Variants in DNM3 observed in about 807,000 individuals in gnomAD.
The protein encoded by DNM3 is dynamin 3, also known as dynamin-3.
A neutral mutation model predicts 101.6 loss-of-function variants in DNM3; 47 were observed. The observed-to-expected ratio is 0.46, with a 90% CI of 0.37 to 0.59. DNM3 has a LOEUF of 0.59. Ranked by LOEUF, DNM3 falls within the 20% of genes least tolerant of loss-of-function variation. DNM3 has a pLI of 0.00. For synonymous variants in DNM3, 385 were observed against 387.9 expected, an observed-to-expected ratio of 0.99 and a Z score of 0.09; for missense variants, 849 against 1,085.7, an observed-to-expected ratio of 0.78 and a Z score of 3.06.
At chr1:172,019,675 T>G (rs2047697806) in intron 4 of DNM3, among the ~76,000 whole-genome samples, 2 of 152,218 alleles carry the variant, frequency 1.3e-5, no homozygotes, top group Middle Eastern at 3.4e-3. Flanking sequence ...TATTTTTTTT[T>G]TCTTTTCGAT....
intron 10 of DNM3, among the ~76,000 whole-genome samples, chr1:172,063,654 C>G (rs2125920563): frequency 6.6e-6 from 1 of 151,510 alleles, no homozygotes; most frequent in Non-Finnish European, 1.5e-5. Flanking sequence ...TGGTGGGCGC[C>G]TATAGTTCCA....
intron 14 of DNM3, among the ~76,000 whole-genome samples, chr1:172,165,439 A>T (rs1366679124): frequency 6.6e-6 from 1 of 152,096 alleles, no homozygotes; most frequent in African/African-American, 2.4e-5. Context: ...AAAAACTCTT[A>T]GTGACTTCTT....
intron 14 of DNM3, among the ~76,000 whole-genome samples, chr1:172,192,997 T>G (rs1389514410): frequency 2.0e-5 from 3 of 151,322 alleles, no homozygotes; most frequent in Non-Finnish European, 4.4e-5. Flanking sequence ...CCACCAACAG[T>G]GTAAAAGTGT....
chr1:172,365,221 C>A (rs748836767), intron 17 of DNM3, among the ~76,000 whole-genome samples: 11 of 151,690 alleles, frequency 7.3e-5, no homozygotes, highest in Non-Finnish European at 1.5e-4. Context: ...TCTAAGGGTT[C>A]TTATCTTTTA....
chr1:171,842,464 C>A (rs1229028946), intron 1 of DNM3, among the ~76,000 whole-genome samples: 1 of 152,158 alleles, frequency 6.6e-6, no homozygotes, highest in African/African-American at 2.4e-5. Context: ...CCCGGAGAGT[C>A]GAAGAATAAA....
intron 4 of DNM3, among the ~76,000 whole-genome samples, chr1:172,016,516 T>C (rs765860849): frequency 1.3e-5 from 2 of 152,232 alleles, no homozygotes; most frequent in Admixed American, 6.5e-5. Context: ...TAACATTTTG[T>C]TGAGGATTGT....
intron 14 of DNM3, among the ~76,000 whole-genome samples, chr1:172,196,483 A>G (rs545633365): frequency 6.6e-6 from 1 of 152,202 alleles, no homozygotes; most frequent in South Asian, 2.1e-4. Context: ...GAATCACCAT[A>G]CTGCTTTCCA....
chr1:172,044,829 T>C (rs1260762582), intron 9 of DNM3, among the ~76,000 whole-genome samples: 2 of 152,112 alleles, frequency 1.3e-5, no homozygotes, highest in African/African-American at 4.8e-5. Context: ...TGGAGCAAGA[T>C]TGGGAAAGAT....
chr1:172,234,667 T>C (rs2061468647), intron 14 of DNM3, among the ~76,000 whole-genome samples: 1 of 152,124 alleles, frequency 6.6e-6, no homozygotes, highest in South Asian at 2.1e-4. Context: ...AACAGCATGG[T>C]ACTGGTACCA....
chr1:171,935,710 A>G (rs1194836966), intron 2 of DNM3, among the ~76,000 whole-genome samples: 1 of 148,866 alleles, frequency 6.7e-6, no homozygotes, highest in Non-Finnish European at 1.5e-5. Flanking sequence ...TGGTAGCTAG[A>G]AATTAGTCAT....
intron 15 of DNM3, 53 bp downstream of exon 15, chr1:172,253,735 A>G (rs942878659): frequency 3.4e-5 from 43 of 1,249,314 alleles, no homozygotes; most frequent in Middle Eastern, 1.9e-4. Flanking sequence ...GAAGTTCTAC[A>G]TGATTCAGAG....
At chr1:172,260,007 G>C (rs1012435765) in intron 15 of DNM3, among the ~76,000 whole-genome samples, 1 of 149,252 alleles carries the variant, frequency 6.7e-6, no homozygotes, top group Non-Finnish European at 1.5e-5. Context: ...TCTTATAGGG[G>C]TGGTCTAGTG....
intron 4 of DNM3, among the ~76,000 whole-genome samples, chr1:172,011,302 T>G (rs898190408): frequency 2.8e-4 from 43 of 151,924 alleles, no homozygotes; most frequent in African/African-American, 9.9e-4. Flanking sequence ...CTGCCATGCA[T>G]GTAGAATTAC....
intron 13 of DNM3, among the ~76,000 whole-genome samples, chr1:172,124,031 T>C (rs1048004689): frequency 2.5e-4 from 38 of 152,226 alleles, no homozygotes; most frequent in Admixed American, 1.9e-3. Context: ...GGCCAGCCTA[T>C]GTACAAGGTT....
At chr1:171,875,683 A>G (rs930157510) in intron 1 of DNM3, among the ~76,000 whole-genome samples, 4 of 152,182 alleles carry the variant, frequency 2.6e-5, no homozygotes, top group Admixed American at 6.5e-5. Flanking sequence ...AAATTATAAA[A>G]ATAGTAGTAC....
intron 2 of DNM3, among the ~76,000 whole-genome samples, chr1:171,979,063 G>A (rs1322173814): frequency 2.6e-5 from 4 of 152,042 alleles, no homozygotes; most frequent in Non-Finnish European, 5.9e-5. Flanking sequence ...AACAAGTCTG[G>A]TGTACTCCAA....
Position 172,387,969 on chromosome 1 carries a change from C to G in DNM3, c.2286-604C>G, listed in dbSNP as rs558707598. Among the ~76,000 whole-genome samples the G allele has an allele frequency of 2.1e-3, 327 of 152,256 alleles. 1 individual carries two copies. The highest frequency in any genetic ancestry group is 7.2e-3 in the African/African-American group (301 of 41,550). ...AGGTTGTATGCCAGGCGCGGTGGCT[C>G]ACGCCTGTATTCCCAGCACTTTGGG... On this transcript the variant is annotated intron_variant, in intron 19 of 20. Coordinates refer to ENST00000627582, the MANE Select transcript of DNM3 (RefSeq NM_015569.5).
At chr1:172,070,919 C>G (rs1314297646) in intron 11 of DNM3, among the ~76,000 whole-genome samples, 1 of 151,080 alleles carries the variant, frequency 6.6e-6, no homozygotes, top group Non-Finnish European at 1.5e-5. Flanking sequence ...GAAACCCTCT[C>G]TCTACAAAAT....
intron 16 of DNM3, among the ~76,000 whole-genome samples, chr1:172,322,792 C>T (rs1048191018): frequency 6.6e-6 from 1 of 152,064 alleles, no homozygotes; most frequent in Non-Finnish European, 1.5e-5. Flanking sequence ...CCTAGAACCA[C>T]CCACTCCTTT....
Sources: allele counts gnomAD v4.1 joint callset (sites outside exome capture counted in the v4.1 genomes callset), GRCh38; gene constraint gnomAD v4.1.1; transcripts MANE v1.5; gene names NCBI Gene and HGNC (gene_info 2026-07-23, HGNC 2026-07-21).